Variants in TMTC1 observed in about 807,000 individuals in gnomAD.
TMTC1 encodes transmembrane O-mannosyltransferase targeting cadherins 1.
TMTC1 carries 73 observed loss-of-function variants against 104.8 expected under a neutral mutation model. The ratio of observed to expected loss-of-function variants is 0.70; its 90% CI spans 0.58 to 0.85. The LOEUF (loss-of-function observed/expected upper bound fraction) is 0.85, where lower values mean the gene tolerates loss of function less well. Ranked by LOEUF, TMTC1 falls within the 40% of genes least tolerant of loss-of-function variation. The pLI is 0.00. For synonymous variants in TMTC1, 434 were observed against 428.7 expected, an observed-to-expected ratio of 1.01 and a Z score of -0.15; for missense variants, 1,035 against 1,096.1, an observed-to-expected ratio of 0.94 and a Z score of 0.79.
At chr12:29,538,781 C>A (rs1944714648) in intron 10 of TMTC1, among the ~76,000 whole-genome samples, 1 of 152,180 alleles carries the variant, frequency 6.6e-6, no homozygotes, top group Non-Finnish European at 1.5e-5. Context: ...CTCCAAAAAT[C>A]CTGTGAGAGA....
At chr12:29,627,826 T>C (rs1229606866) in intron 6 of TMTC1, among the ~76,000 whole-genome samples, 2 of 152,188 alleles carry the variant, frequency 1.3e-5, no homozygotes, top group African/African-American at 2.4e-5. Flanking sequence ...GAATATAAGT[T>C]CATAACATTT....
At chr12:29,626,731 G>A (rs1460117754) in intron 6 of TMTC1, among the ~76,000 whole-genome samples, 1 of 152,068 alleles carries the variant, frequency 6.6e-6, no homozygotes, top group East Asian at 1.9e-4. Flanking sequence ...CCTTGGATTT[G>A]GCCATGTATT....
chr12:29,629,665 G>A (rs1206541268), intron 6 of TMTC1, among the ~76,000 whole-genome samples: 2 of 152,218 alleles, frequency 1.3e-5, no homozygotes, highest in East Asian at 1.9e-4. Flanking sequence ...AGGGGATGGA[G>A]GAGGGGAAAG....
intron 10 of TMTC1, among the ~76,000 whole-genome samples, chr12:29,548,111 G>C (rs1257815438): frequency 2.0e-5 from 3 of 152,316 alleles, no homozygotes; most frequent in South Asian, 4.1e-4. Context: ...AACTGAGAAA[G>C]ATTCCCTAGG....
intron 11 of TMTC1, among the ~76,000 whole-genome samples, chr12:29,523,636 G>A (rs1031888902): frequency 2.6e-5 from 4 of 151,906 alleles, no homozygotes; most frequent in Non-Finnish European, 4.4e-5. Flanking sequence ...TACCACTATC[G>A]TAAAGGCACT....
At chr12:29,681,423 C>T (rs1007371422) in intron 5 of TMTC1, among the ~76,000 whole-genome samples, 1 of 152,056 alleles carries the variant, frequency 6.6e-6, no homozygotes, top group Non-Finnish European at 1.5e-5. Flanking sequence ...AAATAACGGA[C>T]CTAGGTATAT....
intron 5 of TMTC1, among the ~76,000 whole-genome samples, chr12:29,740,085 T>C (rs1367950243): frequency 5.9e-5 from 9 of 152,154 alleles, no homozygotes; most frequent in Non-Finnish European, 4.4e-5. Context: ...GGTGTCATCA[T>C]AGTTTACTCT....
chr12:29,714,167 A>G (rs1942013218), intron 5 of TMTC1, among the ~76,000 whole-genome samples: 1 of 152,208 alleles, frequency 6.6e-6, no homozygotes, highest in Admixed American at 6.5e-5. Flanking sequence ...GTTATAGTAG[A>G]ACAAAATGGA....
At chr12:29,766,528 A>G (rs4931215) in intron 2 of TMTC1, among the ~76,000 whole-genome samples, 60,048 of 151,988 alleles carry the variant, frequency 0.4, 12,407 homozygotes, top group Admixed American at 0.54. Context: ...TTAATTGGAG[A>G]ATGCCTTGCT....
intron 10 of TMTC1, among the ~76,000 whole-genome samples, chr12:29,547,560 G>T (rs1180449048): frequency 1.3e-5 from 2 of 152,166 alleles, no homozygotes; most frequent in African/African-American, 4.8e-5. Context: ...AAATGTAAAT[G>T]AAACCACATT....
At chr12:29,530,101 TC>T in intron 11 of TMTC1, 1 of 152,310 alleles carries the variant, frequency 6.6e-6, no homozygotes, top group East Asian at 1.9e-4. Flanking sequence ...TCTCTATACT[TC>T]CAGGTACATG....
chr12:29,770,710 G>T (rs186476570), intron 1 of TMTC1, among the ~76,000 whole-genome samples: 4 of 152,274 alleles, frequency 2.6e-5, no homozygotes, highest in African/African-American at 9.6e-5. Flanking sequence ...AAATCACCCT[G>T]AATCTGGAGT....
intron 17 of TMTC1, among the ~76,000 whole-genome samples, chr12:29,508,062 A>T (rs1345793386): frequency 6.6e-6 from 1 of 152,228 alleles, no homozygotes; most frequent in East Asian, 1.9e-4. Flanking sequence ...GTGAGTGCTC[A>T]ATACGATACT....
intron 5 of TMTC1, among the ~76,000 whole-genome samples, chr12:29,647,535 C>T (rs1279772102): frequency 6.6e-6 from 1 of 152,178 alleles, no homozygotes; most frequent in Non-Finnish European, 1.5e-5. Flanking sequence ...TAGGCTGTAA[C>T]AATGAAGATC....
At chr12:29,552,787 A>AT (rs1945140413) in intron 10 of TMTC1, among the ~76,000 whole-genome samples, 2 of 152,222 alleles carry the variant, frequency 1.3e-5, no homozygotes, top group Admixed American at 1.3e-4. Flanking sequence ...GAAGGATACA[A>AT]TTTTTTAAAG....
At chr12:29,521,063 G>A (rs923871033) in intron 11 of TMTC1, 11 of 188,492 alleles carry the variant, frequency 5.8e-5, no homozygotes, top group Admixed American at 1.2e-4. Flanking sequence ...CCTTCACCCC[G>A]GTGACTCTCC....
chr12:29,529,710 T>C (rs1170182508), intron 11 of TMTC1, among the ~76,000 whole-genome samples: 8 of 152,174 alleles, frequency 5.3e-5, no homozygotes, highest in Non-Finnish European at 7.3e-5. Flanking sequence ...CCTCCACCCA[T>C]ATGTCATCAG....
intron 7 of TMTC1, among the ~76,000 whole-genome samples, chr12:29,590,063 C>T (rs1946239202): frequency 6.6e-6 from 1 of 152,074 alleles, no homozygotes; most frequent in African/African-American, 2.4e-5. Flanking sequence ...GCATTCAACT[C>T]TGTCTTTGTA....
intron 5 of TMTC1, among the ~76,000 whole-genome samples, chr12:29,642,442 C>CAAT (rs1938895532): frequency 6.6e-6 from 1 of 152,098 alleles, no homozygotes; most frequent in Admixed American, 6.6e-5. Context: ...TATCTTCAGC[C>CAAT]TCCTCAAACA....
Sources: allele counts gnomAD v4.1 joint callset (sites outside exome capture counted in the v4.1 genomes callset), GRCh38; gene constraint gnomAD v4.1.1; transcripts MANE v1.5; gene names NCBI Gene and HGNC (gene_info 2026-07-23, HGNC 2026-07-21).